Variants in KAZN observed in about 807,000 individuals in gnomAD.
KAZN encodes kazrin, periplakin interacting protein.
KAZN carries 40 observed loss-of-function variants against 87.4 expected under a neutral mutation model. The ratio of observed to expected loss-of-function variants is 0.46; its 90% CI spans 0.36 to 0.60. KAZN has a LOEUF of 0.60. Ranked by LOEUF, KAZN falls within the 20% of genes least tolerant of loss-of-function variation. KAZN has a pLI of 0.00. For missense variants in KAZN, 898 were observed against 1,073.9 expected (o/e 0.84, Z 2.29); for synonymous variants, 466 against 458.3 (o/e 1.02, Z -0.22).
intron 1 of KAZN, among the ~76,000 whole-genome samples, chr1:14,909,214 G>T (rs576856980): frequency 1.1e-4 from 17 of 152,168 alleles, no homozygotes; most frequent in Non-Finnish European, 2.1e-4. Flanking sequence ...CATGGTAAGC[G>T]CTATACATGA....
intron 1 of KAZN, among the ~76,000 whole-genome samples, chr1:14,177,134 G>T (rs1045827991): frequency 2.6e-5 from 4 of 152,096 alleles, no homozygotes; most frequent in African/African-American, 9.7e-5. Flanking sequence ...CTCGAGCCTG[G>T]GTGACACAGC....
intron 1 of KAZN, among the ~76,000 whole-genome samples, chr1:13,932,487 C>T (rs1396963047): frequency 6.6e-6 from 1 of 151,970 alleles, no homozygotes; most frequent in Non-Finnish European, 1.5e-5. Flanking sequence ...GTCTTGATCT[C>T]CTGACCTCGT....
intron 1 of KAZN, among the ~76,000 whole-genome samples, chr1:14,683,797 T>C (rs12070287): frequency 0.023 from 3,447 of 152,316 alleles, 146 homozygotes; most frequent in African/African-American, 0.079. Flanking sequence ...CTCTCCACCC[T>C]GTATCCTCAG....
chr1:14,519,157 T>A (rs965182385), intron 2 of KAZN, among the ~76,000 whole-genome samples: 12 of 151,972 alleles, frequency 7.9e-5, no homozygotes, highest in Non-Finnish European at 7.4e-5. Context: ...TAAAAAAAAA[T>A]TTAAATAATA....
intron 8 of KAZN, among the ~76,000 whole-genome samples, chr1:15,071,564 A>G (rs1248951431): frequency 6.6e-6 from 1 of 152,174 alleles, no homozygotes; most frequent in Non-Finnish European, 1.5e-5. Flanking sequence ...CTGGGTATGG[A>G]TATTTCATAC....
intron 1 of KAZN, among the ~76,000 whole-genome samples, chr1:14,829,462 C>T (rs1231729588): frequency 2.6e-5 from 4 of 152,050 alleles, no homozygotes; most frequent in Non-Finnish European, 5.9e-5. Context: ...CCCAGCTACT[C>T]GGGAGGCTGA....
intron 2 of KAZN, among the ~76,000 whole-genome samples, chr1:14,552,259 G>C (rs1390127370): frequency 6.6e-6 from 1 of 152,220 alleles, no homozygotes; most frequent in African/African-American, 2.4e-5. Context: ...TGGGAAGGAA[G>C]AGATCTTGAG....
chr1:14,428,852 G>A lies in KAZN; in HGVS notation c.250-170131G>A, dbSNP rs188019848. Among the ~76,000 whole-genome samples the A allele has an allele frequency of 6.2e-3, 949 of 152,086 alleles. 11 individuals carry two copies. Among genetic ancestry groups the A allele is most frequent in the African/African-American group, 0.022 (913 of 41,510 alleles). Reference sequence around the variant, plus strand: ...CCCTCCCATGACACATGGGGATTATGGGAACTACAATTCAAGATGAGATAT... The same window carrying A: ...CCCTCCCATGACACATGGGGATTATAGGAACTACAATTCAAGATGAGATAT... On this transcript the variant is annotated intron_variant, in intron 2 of 16. Transcript: ENST00000636203.
intron 1 of KAZN, among the ~76,000 whole-genome samples, chr1:14,023,468 G>A (rs1023959020): frequency 2.6e-5 from 4 of 152,290 alleles, no homozygotes; most frequent in Admixed American, 2.0e-4. Flanking sequence ...CTGCAGATGA[G>A]GAAATGCATC....
At chr1:15,075,020 A>G (rs1639675973) in intron 8 of KAZN, among the ~76,000 whole-genome samples, 2 of 152,212 alleles carry the variant, frequency 1.3e-5, no homozygotes, top group African/African-American at 4.8e-5. Flanking sequence ...CCCTTTGTAC[A>G]GATGAGAAGA....
rs544467898 is a variant in KAZN, at chr1:14,891,224, T to C, written c.227-69460T>C. Among the ~76,000 whole-genome samples the C allele has an allele frequency of 7.2e-5, 11 of 152,256 alleles. 1 individual carries two copies. The South Asian group carries it at 2.3e-3, about 32-fold the overall frequency. ...TGTCTGGTTACATGAGTACGTTCTTTAGTGGTGATTTGTGAGATTTTGGTG... is the reference window on the plus strand; with the variant it reads ...TGTCTGGTTACATGAGTACGTTCTTCAGTGGTGATTTGTGAGATTTTGGTG... On this transcript the variant is annotated intron_variant, in intron 1 of 14. Transcript: ENST00000376030.
chr1:14,972,799 G>T (rs1665214625), intron 2 of KAZN, among the ~76,000 whole-genome samples: 1 of 152,164 alleles, frequency 6.6e-6, no homozygotes, highest in African/African-American at 2.4e-5. Flanking sequence ...ACAGGCGGGA[G>T]CCGCTGTGCC....
Position 14,534,615 on chromosome 1 carries a change from AGCCTGGG to A in KAZN, c.250-64367_250-64361del. 2.6e-5 allele frequency among the ~76,000 whole-genome samples: 4 copies of A among 152,316 alleles called. 1 individual carries two copies. In the South Asian group the frequency reaches 8.3e-4, roughly 32 times the overall value. ...AGCCGAGATCGCACCACTGCACTCC[AGCCTGGG>A]AGCCAGAGCGAGACTCCATCTCAAA... On this transcript the variant is annotated intron_variant, in intron 2 of 16. Coordinates refer to the KAZN transcript ENST00000636203.
At chr1:13,927,833 G>T (rs1232470724) in intron 1 of KAZN, among the ~76,000 whole-genome samples, 4 of 152,204 alleles carry the variant, frequency 2.6e-5, no homozygotes, top group Non-Finnish European at 5.9e-5. Context: ...CTCAGAGGCT[G>T]CCCTGCAAGG....
intron 1 of KAZN, among the ~76,000 whole-genome samples, chr1:13,946,747 C>T (rs1484860660): frequency 6.6e-6 from 1 of 152,150 alleles, no homozygotes; most frequent in African/African-American, 2.4e-5. Flanking sequence ...CTGACACTGT[C>T]TTTATCTGTG....
intron 2 of KAZN, among the ~76,000 whole-genome samples, chr1:14,236,651 C>T (rs541733950): frequency 1.3e-5 from 2 of 152,120 alleles, no homozygotes; most frequent in Admixed American, 6.5e-5. Context: ...GGCACAGTGG[C>T]GCATGCCTGT....
intron 2 of KAZN, among the ~76,000 whole-genome samples, chr1:14,970,868 T>A (rs1223544747): frequency 6.6e-6 from 1 of 152,250 alleles, no homozygotes; most frequent in Non-Finnish European, 1.5e-5. Context: ...TCTTCTGTGT[T>A]CTGGGGAGGG....
In KAZN at chr1:14,773,003, G is replaced by A. The variant is rs1307145653; in HGVS notation, c.226+173780G>A. 1.3e-5 allele frequency among the ~76,000 whole-genome samples: 2 copies of A among 152,064 alleles called. No homozygotes were observed. The highest frequency in any genetic ancestry group is 2.9e-5 in the Non-Finnish European group (2 of 68,026). On this transcript the variant is annotated intron_variant, in intron 1 of 14. Transcript: ENST00000376030. The surrounding 1 kb of genome is among the most constrained non-coding windows in gnomAD (Gnocchi z 5.9). ...TCTTCCATGGTTCCCCACCAGCCAAGAGAATGGTATGAATGTCCACAGGCG... is the reference window on the plus strand; with the variant it reads ...TCTTCCATGGTTCCCCACCAGCCAAAAGAATGGTATGAATGTCCACAGGCG...
At chr1:14,573,985 G>C (rs1675028293) in intron 2 of KAZN, among the ~76,000 whole-genome samples, 1 of 152,118 alleles carries the variant, frequency 6.6e-6, no homozygotes, top group Admixed American at 6.5e-5. Flanking sequence ...TATTGATCTA[G>C]TCAATTTTCC....
Sources: allele counts gnomAD v4.1 joint callset (sites outside exome capture counted in the v4.1 genomes callset), GRCh38; gene constraint gnomAD v4.1.1; non-coding constraint Gnocchi (gnomAD v3.1); transcripts MANE v1.5; gene names NCBI Gene and HGNC (gene_info 2026-07-23, HGNC 2026-07-21).